The following FOXN3 variants were observed in gnomAD, a reference collection of about 807,000 sequenced individuals.
The protein encoded by FOXN3 is forkhead box N3, also known as forkhead box protein N3.
Under a neutral mutation model 38.4 loss-of-function variants are expected in FOXN3, and 7 were observed. The ratio of observed to expected loss-of-function variants is 0.18; its 90% CI spans 0.10 to 0.34. The LOEUF (loss-of-function observed/expected upper bound fraction) is 0.34. Among genes scored for constraint, FOXN3 ranks in the 10% least tolerant of loss-of-function variants. The probability of loss-of-function intolerance (pLI) is 1.00; values close to 1 mark genes in which losing one functional copy is unlikely to be tolerated. For missense variants in FOXN3, 456 were observed against 613.4 expected (o/e 0.74, Z 2.71); for synonymous variants, 230 against 242.2 (o/e 0.95, Z 0.47).
chr14:89,358,638 G>A (rs1804263754), intron 2 of FOXN3, among the ~76,000 whole-genome samples: 1 of 152,154 alleles, frequency 6.6e-6, no homozygotes, highest in African/African-American at 2.4e-5. Flanking sequence ...TCTATGCTTT[G>A]GGAACGTGTG....
intron 3 of FOXN3, among the ~76,000 whole-genome samples, chr14:89,295,039 T>G (rs1886994280): frequency 6.6e-6 from 1 of 152,084 alleles, no homozygotes; most frequent in Non-Finnish European, 1.5e-5. Context: ...CTGGTACCCC[T>G]CAGAAGCCCT....
At chr14:89,360,716 T>C (rs71415417) in intron 2 of FOXN3, among the ~76,000 whole-genome samples, 23,256 of 92,516 alleles carry the variant, frequency 0.25, 2,591 homozygotes, top group Non-Finnish European at 0.28. Flanking sequence ...CCTCCAGCAC[T>C]ACCTCCACCA....
At chr14:89,393,619 AT>A (rs1367018551) in intron 2 of FOXN3, among the ~76,000 whole-genome samples, 1 of 152,238 alleles carries the variant, frequency 6.6e-6, no homozygotes, top group Non-Finnish European at 1.5e-5. Context: ...GCACCAGGGT[AT>A]ACAAATGGCA....
intron 3 of FOXN3, among the ~76,000 whole-genome samples, chr14:89,304,286 G>T (rs1233389165): frequency 6.6e-6 from 1 of 152,188 alleles, no homozygotes; most frequent in East Asian, 1.9e-4. Context: ...ATTTCTTCCT[G>T]CTGAGCTGGA....
intron 3 of FOXN3, among the ~76,000 whole-genome samples, chr14:89,336,984 A>G (rs962877466): frequency 6.6e-6 from 1 of 152,220 alleles, no homozygotes; most frequent in African/African-American, 2.4e-5. Context: ...AAAGGGCTTT[A>G]ATAAGAATAA....
At chr14:89,518,133 T>G (rs1894242892) in intron 1 of FOXN3, among the ~76,000 whole-genome samples, 1 of 152,228 alleles carries the variant, frequency 6.6e-6, no homozygotes, top group Admixed American at 6.5e-5. Flanking sequence ...AGAAGCTCCC[T>G]GTCATGCTGC....
At chr14:89,374,973 T>A in intron 2 of FOXN3, among the ~76,000 whole-genome samples, 1 of 141,518 alleles carries the variant, frequency 7.1e-6, no homozygotes. Flanking sequence ...TGAGACTCCG[T>A]CTCAGAAAAA....
intron 3 of FOXN3, chr14:89,284,671 C>T (rs962237479): frequency 9.2e-6 from 4 of 434,178 alleles, no homozygotes; most frequent in South Asian, 6.6e-5. Flanking sequence ...ACAAATGTCT[C>T]ATTTCAATAA....
intron 3 of FOXN3, among the ~76,000 whole-genome samples, chr14:89,325,356 C>CACTACCACT (rs1418764418): frequency 1.1e-5 from 1 of 91,796 alleles, no homozygotes; most frequent in Non-Finnish European, 2.3e-5. Flanking sequence ...CCACCACCAC[C>CACTACCACT]ACCACTACCA....
intron 2 of FOXN3, among the ~76,000 whole-genome samples, chr14:89,372,096 G>A (rs887966991): frequency 1.3e-5 from 2 of 151,712 alleles, no homozygotes; most frequent in South Asian, 2.1e-4. Flanking sequence ...AATAAAAAAC[G>A]GAATTGATTA....
intron 1 of FOXN3, among the ~76,000 whole-genome samples, chr14:89,538,951 C>T (rs1894743141): frequency 6.6e-6 from 1 of 152,090 alleles, no homozygotes; most frequent in East Asian, 1.9e-4. Context: ...TCAAGCGATT[C>T]TCCTGCCTCA....
chr14:89,282,739 A>C (rs1886501143), intron 3 of FOXN3, among the ~76,000 whole-genome samples: 1 of 152,216 alleles, frequency 6.6e-6, no homozygotes, highest in African/African-American at 2.4e-5. Flanking sequence ...AGGAGCCTGA[A>C]TATCCAGCTT....
At chr14:89,229,361 A>G (rs940315630) in intron 4 of FOXN3, among the ~76,000 whole-genome samples, 2 of 152,328 alleles carry the variant, frequency 1.3e-5, no homozygotes, top group Non-Finnish European at 2.9e-5. Flanking sequence ...CTATTGCACA[A>G]AAGTATTTAT....
At chr14:89,323,024 C>A (rs1370511308) in intron 3 of FOXN3, among the ~76,000 whole-genome samples, 1 of 152,118 alleles carries the variant, frequency 6.6e-6, no homozygotes, top group East Asian at 1.9e-4. Context: ...CGCAGTGGCT[C>A]ATGCCTGTAA....
intron 2 of FOXN3, among the ~76,000 whole-genome samples, chr14:89,357,295 C>T (rs61984663): frequency 1.2e-4 from 19 of 152,016 alleles, no homozygotes; most frequent in African/African-American, 4.6e-4. Context: ...CAGAGCAAGA[C>T]CCTGTCTCTT....
chr14:89,599,858 A>G (rs549329359), intron 1 of FOXN3, among the ~76,000 whole-genome samples: 39 of 152,338 alleles, frequency 2.6e-4, no homozygotes, highest in Middle Eastern at 3.4e-3. Flanking sequence ...CACAGGACCT[A>G]AATACAATTA....
At chr14:89,504,515 T>C (rs1205921948) in intron 1 of FOXN3, among the ~76,000 whole-genome samples, 2 of 152,106 alleles carry the variant, frequency 1.3e-5, no homozygotes, top group East Asian at 3.8e-4. Flanking sequence ...CCCCAGTTTG[T>C]GTAGAGCTGT....
rs574893355 is a variant in FOXN3, at chr14:89,609,491, G to C, written c.-15+9537C>G. On this transcript the variant is annotated intron_variant, in intron 1 of 6. Transcript: ENST00000345097. Reference sequence around the variant, plus strand: ...ACAATAAAAATAGCTACAATAATTTGAGTTGCAACCACGTGCCAGGCTCCG... The same window carrying C: ...ACAATAAAAATAGCTACAATAATTTCAGTTGCAACCACGTGCCAGGCTCCG... Among the ~76,000 whole-genome samples the C allele has an allele frequency of 1.4e-4, 21 of 152,272 alleles. 1 individual carries two copies. The South Asian group carries it at 4.4e-3, about 32-fold the overall frequency.
intron 3 of FOXN3, among the ~76,000 whole-genome samples, chr14:89,319,266 T>C (rs558532330): frequency 6.6e-6 from 1 of 152,214 alleles, no homozygotes; most frequent in Admixed American, 6.5e-5. Context: ...CGTACAGTCA[T>C]GCTCATGGCT....
Sources: allele counts gnomAD v4.1 joint callset (sites outside exome capture counted in the v4.1 genomes callset), GRCh38; gene constraint gnomAD v4.1.1; transcripts MANE v1.5; gene names NCBI Gene and HGNC (gene_info 2026-07-23, HGNC 2026-07-21).